The following LRP1B variants were observed in gnomAD, a reference collection of about 807,000 sequenced individuals.
LRP1B encodes the protein LDL receptor related protein 1B.
Under a neutral mutation model 556.6 loss-of-function variants are expected in LRP1B, and 217 were observed. The ratio of observed to expected loss-of-function variants is 0.39; its 90% CI spans 0.35 to 0.44. The LOEUF (loss-of-function observed/expected upper bound fraction) is 0.44, where lower values mean the gene tolerates loss of function less well. Ranked by LOEUF, LRP1B falls within the 20% of genes least tolerant of loss-of-function variation. The pLI, the probability that LRP1B is intolerant of heterozygous loss-of-function variation, is 1.00. For missense variants in LRP1B, 5,053 were observed against 5,620.8 expected, an observed-to-expected ratio of 0.90 and a Z score of 3.23; for synonymous variants, 2,047 against 1,865.8, an observed-to-expected ratio of 1.10 and a Z score of -2.50.
intron 23 of LRP1B, among the ~76,000 whole-genome samples, chr2:140,896,432 A>C (rs890654922): frequency 6.6e-6 from 1 of 152,138 alleles, no homozygotes; most frequent in Non-Finnish European, 1.5e-5. Flanking sequence ...TAAAAAAAAG[A>C]TGAGAGAACT....
chr2:141,666,368 T>A (rs355538), intron 2 of LRP1B, among the ~76,000 whole-genome samples: 152,027 of 152,270 alleles, frequency 1, 75,892 homozygotes, highest in Non-Finnish European at 1. Context: ...AAATCCCATT[T>A]TTTGCCTGGC....
intron 84 of LRP1B, among the ~76,000 whole-genome samples, chr2:140,292,831 C>G (rs1683445404): frequency 6.6e-6 from 1 of 152,114 alleles, no homozygotes; most frequent in African/African-American, 2.4e-5. Flanking sequence ...TAAAGCTACC[C>G]TAGAAGACAA....
intron 2 of LRP1B, among the ~76,000 whole-genome samples, chr2:141,689,770 T>G (rs949169951): frequency 1.5e-4 from 23 of 151,746 alleles, no homozygotes; most frequent in Non-Finnish European, 2.5e-4. Context: ...GCCAGCAGGG[T>G]TTTCTGCCTC....
intron 7 of LRP1B, among the ~76,000 whole-genome samples, chr2:141,064,648 T>C (rs1699430926): frequency 6.6e-6 from 1 of 151,982 alleles, no homozygotes; most frequent in Non-Finnish European, 1.5e-5. Flanking sequence ...GACCATAAAG[T>C]TGCAGCTATT....
rs1694971822 is a variant in LRP1B at position 141,773,762 on chromosome 2, ATC to A, written c.205+36515_205+36516del. On this transcript the variant is annotated intron_variant, in intron 2 of 90. Transcript: ENST00000389484. ...AACAAAACAAAACAAAACAACCTAC[ATC>A]TATAGAGGAAAAGGTTTTTGCCAAG... Among the ~76,000 whole-genome samples, 11 of 152,350 alleles carry A rather than the reference ATC, an allele frequency of 7.2e-5. No homozygotes were observed. The South Asian group carries it at 2.3e-3, about 32-fold the overall frequency.
chr2:140,474,368 G>A (rs571916265), intron 60 of LRP1B, among the ~76,000 whole-genome samples: 2 of 151,956 alleles, frequency 1.3e-5, no homozygotes, highest in East Asian at 3.9e-4. Flanking sequence ...TAATGCCAGA[G>A]AAGGAAGTAA....
intron 18 of LRP1B, among the ~76,000 whole-genome samples, chr2:140,956,923 G>A (rs981163590): frequency 6.6e-6 from 1 of 151,650 alleles, no homozygotes; most frequent in Non-Finnish European, 1.5e-5. Flanking sequence ...ATTTAACTGA[G>A]AATTTTATAT....
At chr2:141,151,730 T>C (rs1308691426) in intron 7 of LRP1B, among the ~76,000 whole-genome samples, 2 of 152,104 alleles carry the variant, frequency 1.3e-5, no homozygotes, top group Admixed American at 6.6e-5. Context: ...TCCTTTTTCC[T>C]GGTAATACAA....
At chr2:141,183,811 C>A (rs1681117653) in intron 7 of LRP1B, among the ~76,000 whole-genome samples, 1 of 151,996 alleles carries the variant, frequency 6.6e-6, no homozygotes, top group Admixed American at 6.6e-5. Context: ...ACCCCAAGTT[C>A]CCCAAAATAT....
intron 18 of LRP1B, among the ~76,000 whole-genome samples, chr2:140,961,339 C>A (rs1271810850): frequency 1.3e-5 from 2 of 151,836 alleles, no homozygotes; most frequent in Admixed American, 1.3e-4. Flanking sequence ...AAAGGAATTC[C>A]ATAAAAGCAA....
chr2:140,341,826 G>A (rs1558815060), intron 77 of LRP1B, among the ~76,000 whole-genome samples: 1 of 151,190 alleles, frequency 6.6e-6, no homozygotes, highest in Non-Finnish European at 1.5e-5. Context: ...AATTTACTTA[G>A]GGACATACGA....
intron 2 of LRP1B, among the ~76,000 whole-genome samples, chr2:141,756,110 C>T (rs1425086008): frequency 6.6e-6 from 1 of 152,056 alleles, no homozygotes; most frequent in African/African-American, 2.4e-5. Context: ...CTCCCAAATT[C>T]CCTATTAATT....
chr2:140,828,608 CA>C (rs60905457), intron 31 of LRP1B, among the ~76,000 whole-genome samples: 3 of 4,124 alleles, frequency 7.3e-4, no homozygotes, highest in African/African-American at 2.4e-3. Context: ...GACTCCGTCT[CA>C]AAAAAAAAAA....
At chr2:141,974,996 T>A (rs1001875540) in intron 1 of LRP1B, among the ~76,000 whole-genome samples, 2 of 152,084 alleles carry the variant, frequency 1.3e-5, no homozygotes, top group African/African-American at 4.8e-5. Flanking sequence ...TTTGAAATAA[T>A]GTATTATATT....
intron 77 of LRP1B, among the ~76,000 whole-genome samples, chr2:140,345,819 C>CATATATACATATATATAT (rs1167344227): frequency 7.6e-6 from 1 of 131,524 alleles, no homozygotes; most frequent in East Asian, 2.0e-4. Flanking sequence ...CATATATATA[C>CATATATACATATATATAT]ATATATACAT....
At chr2:141,944,495 A>G (rs987408963) in intron 1 of LRP1B, among the ~76,000 whole-genome samples, 2 of 152,106 alleles carry the variant, frequency 1.3e-5, no homozygotes, top group African/African-American at 4.8e-5. Context: ...AACACGTCCC[A>G]AATGGCCAAG....
At chr2:140,348,786 G>A (rs1220263820) in intron 77 of LRP1B, among the ~76,000 whole-genome samples, 1 of 152,032 alleles carries the variant, frequency 6.6e-6, no homozygotes, top group African/African-American at 2.4e-5. Context: ...ATATTTGCAT[G>A]TATAAGAATG....
intron 43 of LRP1B, among the ~76,000 whole-genome samples, chr2:140,555,102 T>C (rs551007901): frequency 1.3e-5 from 2 of 152,062 alleles, no homozygotes; most frequent in Non-Finnish European, 2.9e-5. Context: ...GGATTTTTAA[T>C]ATTTTAGTAG....
At chr2:141,517,101 T>C (rs17616445) in intron 2 of LRP1B, among the ~76,000 whole-genome samples, 44,755 of 150,654 alleles carry the variant, frequency 0.3, 7,779 homozygotes, top group Non-Finnish European at 0.4. Flanking sequence ...TCCAACCTTG[T>C]ATGGCTACAG....
Sources: allele counts gnomAD v4.1 joint callset (sites outside exome capture counted in the v4.1 genomes callset), GRCh38; gene constraint gnomAD v4.1.1; transcripts MANE v1.5; gene names NCBI Gene and HGNC (gene_info 2026-07-23, HGNC 2026-07-21).